PFKL: variants seen among roughly 807,000 people sequenced by gnomAD.
PFKL encodes the protein ATP-dependent 6-phosphofructokinase, liver type.
Under a neutral mutation model 92.1 loss-of-function variants are expected in PFKL, and 74 were observed. The observed-to-expected ratio is 0.80, with a 90% CI of 0.67 to 0.97. PFKL has a LOEUF of 0.97. PFKL is among the 50% of genes least tolerant of loss of function. The pLI, the probability that PFKL is intolerant of heterozygous loss-of-function variation, is 0.00. For synonymous variants in PFKL, 494 were observed against 456.4 expected (o/e 1.08, Z -1.05); for missense variants, 1,028 against 1,116.6 (o/e 0.92, Z 1.13).
At position 44,324,579 on chromosome 21, in the gene PFKL, C is replaced by T. The variant is rs765541354; in HGVS notation, c.1739C>T (p.Ala580Val). Residue 580 changes from alanine to valine, a missense_variant, in exon 17 of 22, where the codon GCC (alanine) becomes GTC (valine). Physicochemically the swap from Ala to Val is moderately conservative, Grantham distance 64 (BLOSUM62 0). Transcript: ENST00000349048. Reference sequence around the variant, plus strand: ...ATGGGGGGTTACTGTGGCTACCTGGCCACCGTGACTGGCATTGCTGTGGGG... The same window carrying T: ...ATGGGGGGTTACTGTGGCTACCTGGTCACCGTGACTGGCATTGCTGTGGGG... ...ETMGGYCGYL[A>V]TVTGIAVGAD... 3 of 1,613,006 alleles carry T rather than the reference C, an allele frequency of 1.9e-6. No individual in the cohort carries two copies. The highest frequency in any genetic ancestry group is 1.1e-5 in the South Asian group (1 of 91,056).
rs546767777 is a variant in PFKL, at chr21:44,313,564, A to G, written c.594-74A>G. On this transcript the variant is annotated intron_variant, in intron 5 of 21. Coordinates refer to ENST00000349048, the MANE Select transcript of PFKL (RefSeq NM_002626.6). ...GCCTCTCCATCCACTGGGTCCCTTG[A>G]GCACCCCGCAGGGAATCGGGCTGGC... 7,654 of 1,455,056 alleles carry G rather than the reference A, an allele frequency of 5.3e-3. 25 individuals carry two copies. The highest frequency in any genetic ancestry group is 6.5e-3 in the Non-Finnish European group (6,884 of 1,055,616). The allele number at this position is 1,455,056 out of a possible 1,614,324, so 90.1% of individuals were successfully genotyped here.
At chr21:44,316,196 G>A in intron 7 of PFKL, 48 bp from the exon 8 acceptor site, 1 of 1,572,724 alleles carries the variant, frequency 6.4e-7, no homozygotes. Context: ...TGTGTCCGGG[G>A]CAGGTTTCCC....
chr21:44,316,269 ACAT>A lies in PFKL; in HGVS notation c.784_786del (p.Ile262del), dbSNP rs752854829. Reference sequence around the variant, plus strand: ...ACTCGGAGCCGTGGGTCCCGACTGAACATCATCATCATCGCTGAGGGTGCCATT... The same window carrying A: ...ACTCGGAGCCGTGGGTCCCGACTGAACATCATCATCGCTGAGGGTGCCATT... On this transcript the variant is annotated inframe_deletion, in exon 8 of 22. Coordinates refer to ENST00000349048, the MANE Select transcript of PFKL (RefSeq NM_002626.6). 4.0e-5 allele frequency: 65 copies of A among 1,613,046 alleles called. No homozygotes were observed. The highest frequency in any genetic ancestry group is 5.3e-5 in the Non-Finnish European group (63 of 1,179,948).
chr21:44,317,855 A>G (rs2047250166), intron 9 of PFKL, among the ~76,000 whole-genome samples: 1 of 152,226 alleles, frequency 6.6e-6, no homozygotes, highest in South Asian at 2.1e-4. Context: ...GCAAGATGAA[A>G]AAACCTGTGT....
In PFKL at chr21:44,326,347, G is replaced by T. The variant is rs143856411; in HGVS notation, c.2195+83G>T. On this transcript the variant is annotated intron_variant, in intron 21 of 21. Coordinates refer to ENST00000349048, the MANE Select transcript of PFKL (RefSeq NM_002626.6). ...CCCTGAGGCAGGTGTGCCAGGCCCA[G>T]CCCCACTGGCACCCTGACCCCGCAA... The T allele has an allele frequency of 2.8e-4, 287 of 1,017,892 alleles. No homozygotes were observed. In the African/African-American group the frequency reaches 4.3e-3, roughly 15 times the overall value. 63.1% of individuals were successfully genotyped at this position (1,017,892 alleles called of 1,614,324 possible). A position where few individuals can be genotyped will look rare whatever the true frequency, so the allele number is the denominator to read the frequency against.
Position 44,326,767 on chromosome 21 carries a change from A to G in PFKL, c.2248A>G (p.Met750Val). Residue 750 changes from methionine to valine, a missense_variant, in exon 22 of 22, where the codon ATG (methionine) becomes GTG (valine). Physicochemically the swap from Met to Val is conservative, Grantham distance 21. Coordinates refer to ENST00000349048, the MANE Select transcript of PFKL (RefSeq NM_002626.6). The part of the protein sequence containing the change: ...WWLSLRLMLK[M>V]LAQYRISMAA... ...GCTGAGCCTGCGGCTCATGCTGAAG[A>G]TGCTGGCACAATACCGCATCAGTAT... The G allele has an allele frequency of 6.2e-7, 1 of 1,611,388 alleles. No individual in the cohort carries two copies. Among genetic ancestry groups the G allele is most frequent in the Non-Finnish European group, 8.5e-7 (1 of 1,179,364 alleles).
intron 1 of PFKL, chr21:44,305,719 G>C: frequency 7.9e-7 from 1 of 1,269,034 alleles, no homozygotes; most frequent in Non-Finnish European, 1.0e-6. Flanking sequence ...TTTGAGATGG[G>C]GGCTCTCGGG....
chr21:44,323,665 G>C (rs2047417707), intron 15 of PFKL, 101 bp from the exon 16 acceptor site: 1 of 1,296,000 alleles, frequency 7.7e-7, no homozygotes, highest in Non-Finnish European at 1.1e-6. Context: ...GCACATGACA[G>C]GTCAGCAGGG....
chr21:44,300,296 C>A, intron 1 of PFKL, 106 bp downstream of exon 1: 1 of 370,654 alleles, frequency 2.7e-6, no homozygotes, highest in Non-Finnish European at 3.7e-6. Flanking sequence ...CTCGGGCCGG[C>A]CCGGCCTCCC....
Position 44,322,963 on chromosome 21 carries a change from A to AC in PFKL, c.1414dup (p.Leu472ProfsTer28). ...ATGCGGATGTGTCTTTGACTGCAGG[A>AC]CCCTGCCCAAGGGCCAGCTGGAGTC... On this transcript the variant is annotated frameshift_variant and splice_region_variant, in exon 15 of 22. Transcript: ENST00000349048. LOFTEE classifies it high-confidence loss of function. 6.2e-7 allele frequency: 1 copy of AC among 1,610,148 alleles called. No individual in the cohort carries two copies. Among genetic ancestry groups the AC allele is most frequent in the Non-Finnish European group, 8.5e-7 (1 of 1,177,664 alleles).
intron 2 of PFKL, among the ~76,000 whole-genome samples, chr21:44,309,501 G>A (rs2041053250): frequency 6.6e-6 from 1 of 152,190 alleles, no homozygotes; most frequent in Admixed American, 6.5e-5. Flanking sequence ...AGGGTAGGAG[G>A]AGGTTGTGTC....
rs200665523 is a variant in PFKL, at chr21:44,312,191, C to T, written c.324C>T (p.His108=). The change falls in exon 4 of 22, where the codon CAC becomes CAT. Residue 108 remains histidine, a synonymous_variant. Coordinates refer to ENST00000349048, the MANE Select transcript of PFKL (RefSeq NM_002626.6). ...RRAAAYNLVQ[H]GITNLCVIGG... is the part of the protein sequence containing the mutation. ...CAGCGGCCTACAACCTGGTCCAGCA[C>T]GGCATCACCAACCTGTGCGTCATCG... 170 of 1,605,866 alleles carry T rather than the reference C, an allele frequency of 1.1e-4. 1 individual carries two copies. Among genetic ancestry groups the T allele is most frequent in the Admixed American group, 1.7e-4 (10 of 59,130 alleles).
At chr21:44,312,419 C>G in intron 4 of PFKL, 125 bp downstream of exon 4, 1 of 893,090 alleles carries the variant, frequency 1.1e-6, no homozygotes, top group South Asian at 1.9e-5. Context: ...GAGGGGCTGT[C>G]TGGCCGTTGG....
intron 16 of PFKL, 200 bp from the exon 17 acceptor site, chr21:44,324,291 G>A: frequency 1.6e-6 from 1 of 611,088 alleles, no homozygotes; most frequent in South Asian, 2.0e-5. Context: ...GCCCTGGGGG[G>A]TGGGGTCGCC....
chr21:44,315,663 G>A (rs2047182664), intron 7 of PFKL: 1 of 155,176 alleles, frequency 6.4e-6, no homozygotes, highest in Admixed American at 6.3e-5. Context: ...CTGGTGTGTG[G>A]TGCTGAGGCA....
intron 7 of PFKL, chr21:44,314,666 TG>T (rs1724103442): frequency 6.6e-6 from 1 of 152,134 alleles, no homozygotes. Context: ...TCCCTTGGGG[TG>T]GAGTTGGGGG....
chr21:44,305,351 A>C, intron 1 of PFKL: 1 of 1,365,666 alleles, frequency 7.3e-7, no homozygotes, highest in Non-Finnish European at 9.8e-7. Flanking sequence ...GTAGAGGTCG[A>C]GAGTCCTCTC....
At chr21:44,319,703 G>A (rs2047309846) in intron 11 of PFKL, 2 of 542,492 alleles carry the variant, frequency 3.7e-6, no homozygotes, top group Non-Finnish European at 6.6e-6. Flanking sequence ...GGGTGGCCCC[G>A]CGGGGGCTGG....
At chr21:44,302,153 G>C (rs760554112) in intron 1 of PFKL, among the ~76,000 whole-genome samples, 7 of 152,258 alleles carry the variant, frequency 4.6e-5, no homozygotes, top group Non-Finnish European at 8.8e-5. Context: ...CCTGGCTGCA[G>C]CTGGGAGGGT....
Sources: allele counts gnomAD v4.1 joint callset (sites outside exome capture counted in the v4.1 genomes callset), GRCh38; gene constraint gnomAD v4.1.1; transcripts MANE v1.5; gene names NCBI Gene and HGNC (gene_info 2026-07-23, HGNC 2026-07-21).